PRKCE: variants seen among roughly 807,000 people sequenced by gnomAD.
The protein encoded by PRKCE is protein kinase C epsilon.
A neutral mutation model predicts 85.4 loss-of-function variants in PRKCE; 16 were observed. The observed-to-expected ratio is 0.19, with a 90% CI of 0.13 to 0.28. The LOEUF is 0.28. Ranked by LOEUF, PRKCE falls within the 10% of genes least tolerant of loss-of-function variation. The pLI is 1.00. For missense variants in PRKCE, 573 were observed against 975.2 expected (o/e 0.59, Z 5.49); for synonymous variants, 388 against 371.5 (o/e 1.04, Z -0.51).
chr2:45,876,541 T>C (rs929709107), intron 2 of PRKCE, among the ~76,000 whole-genome samples: 1 of 152,238 alleles, frequency 6.6e-6, no homozygotes, highest in Non-Finnish European at 1.5e-5. Context: ...AATCCCACTT[T>C]TTAATTTTTG....
chr2:45,875,247 T>C (rs2881068), intron 2 of PRKCE, among the ~76,000 whole-genome samples: 46,917 of 152,216 alleles, frequency 0.31, 8,293 homozygotes, highest in East Asian at 0.55. Flanking sequence ...GAGACCATTA[T>C]ACACTTGAAC....
intron 2 of PRKCE, among the ~76,000 whole-genome samples, chr2:45,949,402 GTTTT>G (rs35033431): frequency 0.12 from 14,160 of 118,726 alleles, 1,613 homozygotes; most frequent in East Asian, 0.33. Flanking sequence ...TATTTTGCTT[GTTTT>G]TTTTTTTTTT....
At chr2:45,781,046 G>C (rs180895739) in intron 1 of PRKCE, among the ~76,000 whole-genome samples, 204 of 152,208 alleles carry the variant, frequency 1.3e-3, no homozygotes, top group Non-Finnish European at 2.4e-4. Context: ...GAAATCAAAT[G>C]ACTAGGCCGG....
intron 1 of PRKCE, among the ~76,000 whole-genome samples, chr2:45,716,535 G>C (rs1294536022): frequency 1.4e-5 from 2 of 138,396 alleles, no homozygotes; most frequent in African/African-American, 5.4e-5. Flanking sequence ...GAAAAAGAAA[G>C]AAAGAAAAAG....
At chr2:46,031,640 A>G (rs1040218476) in intron 10 of PRKCE, among the ~76,000 whole-genome samples, 10 of 138,266 alleles carry the variant, frequency 7.2e-5, no homozygotes, top group African/African-American at 1.8e-4. Context: ...GTGTGTAGAA[A>G]AAACCCACTT....
At chr2:45,899,076 C>G (rs571862594) in intron 2 of PRKCE, among the ~76,000 whole-genome samples, 12 of 152,340 alleles carry the variant, frequency 7.9e-5, no homozygotes, top group African/African-American at 2.4e-4. Context: ...AGCGCCTTCT[C>G]TTTAGAATCC....
At chr2:45,828,289 A>G (rs928666660) in intron 1 of PRKCE, among the ~76,000 whole-genome samples, 6 of 152,244 alleles carry the variant, frequency 3.9e-5, no homozygotes, top group African/African-American at 1.4e-4. Flanking sequence ...AATCCCAACT[A>G]CTCGGGAAGC....
At chr2:45,961,410 G>A (rs1335289231) in intron 2 of PRKCE, among the ~76,000 whole-genome samples, 3 of 152,182 alleles carry the variant, frequency 2.0e-5, no homozygotes, top group Non-Finnish European at 4.4e-5. Context: ...AAGATTTATT[G>A]TGTCATTCAT....
chr2:45,938,284 G>A lies in PRKCE; in HGVS notation c.413-38145G>A, dbSNP rs113284291. On this transcript the variant is annotated intron_variant, in intron 2 of 14. Transcript: ENST00000306156. ...GGTGTAGATGGCTTGGCTGGAGGGGGGCTATCTGGCAATTCAATGCATCTT... is the reference window on the plus strand; with the variant it reads ...GGTGTAGATGGCTTGGCTGGAGGGGAGCTATCTGGCAATTCAATGCATCTT... 3.5e-3 allele frequency among the ~76,000 whole-genome samples: 534 copies of A among 150,864 alleles called. 3 individuals are homozygous for A. The highest frequency in any genetic ancestry group is 0.012 in the African/African-American group (498 of 41,046).
intron 10 of PRKCE, among the ~76,000 whole-genome samples, chr2:46,074,318 C>T (rs111684611): frequency 0.022 from 3,261 of 151,314 alleles, 51 homozygotes; most frequent in Non-Finnish European, 0.035. Flanking sequence ...TTCCCTGAAT[C>T]GGCTGGTCAT....
At chr2:45,824,374 C>G (rs1689775469) in intron 1 of PRKCE, among the ~76,000 whole-genome samples, 1 of 152,172 alleles carries the variant, frequency 6.6e-6, no homozygotes, top group Admixed American at 6.5e-5. Context: ...ATTAAAAGCA[C>G]CACCACCTGC....
At chr2:46,007,093 A>G (rs1705271268) in intron 8 of PRKCE, among the ~76,000 whole-genome samples, 1 of 152,192 alleles carries the variant, frequency 6.6e-6, no homozygotes, top group Admixed American at 6.5e-5. Context: ...CTTGAAGGAT[A>G]CCTGTGACTC....
At chr2:45,804,043 A>G (rs1048427035) in intron 1 of PRKCE, among the ~76,000 whole-genome samples, 1 of 152,102 alleles carries the variant, frequency 6.6e-6, no homozygotes, top group Non-Finnish European at 1.5e-5. Flanking sequence ...TTTCTCCCTT[A>G]CTAGACAGAG....
chr2:46,173,769 A>G (rs956580223), intron 14 of PRKCE, among the ~76,000 whole-genome samples: 1 of 152,228 alleles, frequency 6.6e-6, no homozygotes, highest in Non-Finnish European at 1.5e-5. Flanking sequence ...AGCTGTGTCT[A>G]TAGACCCCAG....
Position 45,778,332 on chromosome 2 carries a change from G to A in PRKCE, c.349-64668G>A, listed in dbSNP as rs1685919552. On this transcript the variant is annotated intron_variant, in intron 1 of 14. Coordinates refer to ENST00000306156, the MANE Select transcript of PRKCE (RefSeq NM_005400.3). ...TATCTTCCAGTCTTGCTTCTCTGGA[G>A]ACTGATGTCCCAAGAGAACATGCCT... 3.9e-5 allele frequency among the ~76,000 whole-genome samples: 6 copies of A among 152,286 alleles called. No homozygotes were observed. In the South Asian group the frequency reaches 1.2e-3, roughly 32 times the overall value.
intron 9 of PRKCE, among the ~76,000 whole-genome samples, chr2:46,008,758 G>A (rs1372015449): frequency 6.6e-6 from 1 of 152,170 alleles, no homozygotes; most frequent in Non-Finnish European, 1.5e-5. Context: ...GAGGTCCTCT[G>A]GTTAGGCATA....
chr2:46,069,775 T>C (rs184141776), intron 10 of PRKCE, among the ~76,000 whole-genome samples: 1 of 152,354 alleles, frequency 6.6e-6, no homozygotes, highest in East Asian at 1.9e-4. Flanking sequence ...GGTGTAACAG[T>C]TGGCTATAAG....
At chr2:45,753,059 G>T (rs1158533038) in intron 1 of PRKCE, among the ~76,000 whole-genome samples, 5 of 152,136 alleles carry the variant, frequency 3.3e-5, no homozygotes, top group Non-Finnish European at 7.3e-5. Context: ...CCTGGTCAGG[G>T]CACAGGGTGT....
intron 2 of PRKCE, among the ~76,000 whole-genome samples, chr2:45,888,465 C>CTTTTTTTTTTTTTTTT (rs34871432): frequency 1.3e-5 from 1 of 74,752 alleles, no homozygotes; most frequent in Non-Finnish European, 2.4e-5. Flanking sequence ...TCCCAACAGT[C>CTTTTTTTTTTTTTTTT]TTTTTTTTTT....
Sources: gnomAD v4.1 joint callset for allele counts (sites outside exome capture counted in the v4.1 genomes callset) on GRCh38, gnomAD v4.1.1 for gene constraint, MANE v1.5 for transcripts, NCBI Gene and HGNC (gene_info 2026-07-23, HGNC 2026-07-21) for gene names.